NEK10: variants seen among roughly 807,000 people sequenced by gnomAD.
NEK10 encodes the protein NIMA related kinase 10, also known as serine/threonine-protein kinase Nek10.
In NEK10, 122 loss-of-function variants were observed where a neutral mutation model predicts 159.8. The ratio of observed to expected loss-of-function variants is 0.76; its 90% CI spans 0.66 to 0.89. The LOEUF (loss-of-function observed/expected upper bound fraction) is 0.89, where lower values mean the gene tolerates loss of function less well. Ranked by LOEUF, NEK10 falls within the 40% of genes least tolerant of loss-of-function variation. The pLI is 0.00. For missense variants in NEK10, 1,342 were observed against 1,323.1 expected (o/e 1.01, Z -0.22); for synonymous variants, 466 against 457.1 (o/e 1.02, Z -0.25).
At chr3:27,146,771 G>A (rs1460580071) in intron 30 of NEK10, among the ~76,000 whole-genome samples, 1 of 152,178 alleles carries the variant, frequency 6.6e-6, no homozygotes, top group Non-Finnish European at 1.5e-5. Context: ...GAATTAGAAG[G>A]TCTTCGATAG....
chr3:27,256,996 A>G (rs995547295), intron 22 of NEK10, among the ~76,000 whole-genome samples: 3 of 147,414 alleles, frequency 2.0e-5, no homozygotes, highest in African/African-American at 7.6e-5. Flanking sequence ...GCTCACTGAA[A>G]CCTCTGCCTC....
intron 18 of NEK10, 52 bp from the exon 19 acceptor site, chr3:27,290,806 GAA>G: frequency 7.0e-7 from 1 of 1,421,372 alleles, no homozygotes. Flanking sequence ...TAAAGAAGGA[GAA>G]GAGAGAAAGA....
rs962715419 is a variant in NEK10, at chr3:27,109,298, G to C, written c.*1974C>G. Among the ~76,000 whole-genome samples, 7 of 149,858 alleles carry C rather than the reference G, an allele frequency of 4.7e-5. No individual in the cohort carries two copies. The highest frequency in any genetic ancestry group is 1.7e-4 in the African/African-American group (7 of 40,808). On this transcript the variant is annotated 3_prime_UTR_variant, in exon 36 of 36. Transcript: ENST00000691995. ...GGAGGCTGAGGCAGGAGAATTGCTTGAACCTGGGTGGCGGAGGTTGCAGTA... is the reference window on the plus strand; with the variant it reads ...GGAGGCTGAGGCAGGAGAATTGCTTCAACCTGGGTGGCGGAGGTTGCAGTA...
At chr3:27,297,124 G>A in intron 14 of NEK10, 55 bp downstream of exon 14, 1 of 1,115,404 alleles carries the variant, frequency 9.0e-7, no homozygotes, top group Non-Finnish European at 1.4e-6. Context: ...GCACCACAAG[G>A]TGAGTTGATT....
chr3:27,239,374 G>A (rs1047495260), intron 23 of NEK10, among the ~76,000 whole-genome samples: 2 of 152,082 alleles, frequency 1.3e-5, no homozygotes, highest in South Asian at 4.2e-4. Flanking sequence ...AAATTGGCTG[G>A]AGCCCAATGG....
Position 27,260,432 on chromosome 3 carries a change from G to A in NEK10, c.2015-4061C>T, listed in dbSNP as rs539851302. Among the ~76,000 whole-genome samples the A allele has an allele frequency of 1.4e-3, 208 of 152,238 alleles. 4 individuals are homozygous for A. Among genetic ancestry groups the A allele is most frequent in the Middle Eastern group, 0.01 (3 of 294 alleles). Reference sequence around the variant, plus strand: ...TTATTGAGAGTTTTTAGCATGAAGCGTTGTTGAATTTTGTCAAAGGCCTTT... The same window carrying A: ...TTATTGAGAGTTTTTAGCATGAAGCATTGTTGAATTTTGTCAAAGGCCTTT... On this transcript the variant is annotated intron_variant, in intron 22 of 35. Transcript: ENST00000691995.
intron 13 of NEK10, among the ~76,000 whole-genome samples, chr3:27,298,279 T>G (rs1167695868): frequency 6.6e-6 from 1 of 152,140 alleles, no homozygotes; most frequent in Non-Finnish European, 1.5e-5. Flanking sequence ...ACTGTTCTTG[T>G]GATAGTGAAT....
At chr3:27,161,820 C>A (rs1946035712) in intron 30 of NEK10, among the ~76,000 whole-genome samples, 1 of 152,158 alleles carries the variant, frequency 6.6e-6, no homozygotes, top group African/African-American at 2.4e-5. Context: ...GCCTGGCCAC[C>A]ATGGTGAAAC....
At chr3:27,187,753 T>TC (rs570413970) in intron 26 of NEK10, among the ~76,000 whole-genome samples, 79 of 130,838 alleles carry the variant, frequency 6.0e-4, no homozygotes, top group African/African-American at 2.6e-3. Flanking sequence ...AGAGTGAGAC[T>TC]CCATCTCAAA....
intron 1 of NEK10, among the ~76,000 whole-genome samples, chr3:27,357,852 G>A (rs2048422416): frequency 6.6e-6 from 1 of 152,110 alleles, no homozygotes. Context: ...ACAACTCCAT[G>A]ACAACCAGGA....
intron 23 of NEK10, among the ~76,000 whole-genome samples, chr3:27,232,780 C>T (rs963604319): frequency 3.3e-5 from 5 of 151,764 alleles, no homozygotes; most frequent in African/African-American, 1.2e-4. Flanking sequence ...AACTGATCTT[C>T]AACAAAACAA....
In NEK10 at chr3:27,108,151, TAATC is replaced by T. The variant is rs1939176416; in HGVS notation, c.*3117_*3120del. 6.6e-6 allele frequency among the ~76,000 whole-genome samples: 1 copy of T among 152,238 alleles called. No individual in the cohort carries two copies. The highest frequency in any genetic ancestry group is 2.4e-5 in the African/African-American group (1 of 41,466). On this transcript the variant is annotated 3_prime_UTR_variant, in exon 36 of 36. Coordinates refer to ENST00000691995, the MANE Select transcript of NEK10 (RefSeq NM_001394966.1). ...GATACTTATAGGAAGACCTAACTCTTAATCAATTATATCATTTGAGTAAATTTCC... is the reference window on the plus strand; with the variant it reads ...GATACTTATAGGAAGACCTAACTCTTAATTATATCATTTGAGTAAATTTCC...
intron 11 of NEK10, among the ~76,000 whole-genome samples, chr3:27,306,854 G>A (rs1169259844): frequency 6.6e-6 from 1 of 152,078 alleles, no homozygotes; most frequent in Non-Finnish European, 1.5e-5. Flanking sequence ...TGGTCCTGCT[G>A]TGCCCAACCA....
chr3:27,168,434 CA>C (rs796818340), intron 29 of NEK10, among the ~76,000 whole-genome samples: 63 of 152,244 alleles, frequency 4.1e-4, no homozygotes, highest in African/African-American at 1.4e-3. Flanking sequence ...AAATCCTAAA[CA>C]AATTAGACTG....
intron 22 of NEK10, among the ~76,000 whole-genome samples, chr3:27,256,897 T>G (rs1956239446): frequency 6.7e-6 from 1 of 149,828 alleles, no homozygotes; most frequent in Admixed American, 6.8e-5. Flanking sequence ...CTTCAGGTAC[T>G]TCTCTTTTTT....
At chr3:27,121,531 C>T (rs59641564) in intron 32 of NEK10, among the ~76,000 whole-genome samples, 1 of 152,118 alleles carries the variant, frequency 6.6e-6, no homozygotes, top group Non-Finnish European at 1.5e-5. Flanking sequence ...ATCTGATAGC[C>T]TCAAAAACTG....
intron 32 of NEK10, among the ~76,000 whole-genome samples, chr3:27,122,147 T>TC (rs915396032): frequency 2.0e-5 from 3 of 152,082 alleles, no homozygotes; most frequent in African/African-American, 4.8e-5. Flanking sequence ...GGGGGTGGTT[T>TC]CCCCCATGCT....
chr3:27,228,584 C>T (rs1023395421), intron 23 of NEK10, among the ~76,000 whole-genome samples: 1 of 152,122 alleles, frequency 6.6e-6, no homozygotes, highest in African/African-American at 2.4e-5. Context: ...ACAACGTGAT[C>T]TAAGAGGCAG....
At chr3:27,272,241 C>T (rs1446529864) in intron 22 of NEK10, among the ~76,000 whole-genome samples, 2 of 152,170 alleles carry the variant, frequency 1.3e-5, no homozygotes, top group East Asian at 3.8e-4. Context: ...GTTTCACCTC[C>T]AGCCCTATAA....
Sources: allele counts gnomAD v4.1 joint callset (sites outside exome capture counted in the v4.1 genomes callset), GRCh38; gene constraint gnomAD v4.1.1; transcripts MANE v1.5; gene names NCBI Gene and HGNC (gene_info 2026-07-23, HGNC 2026-07-21).